RHOH: variants seen among roughly 807,000 people sequenced by gnomAD.
RHOH encodes ras homolog family member H.
A neutral mutation model predicts 13.8 loss-of-function variants in RHOH; 6 were observed. That is an observed-to-expected ratio of 0.44 (90% CI 0.24 to 0.86). The LOEUF (loss-of-function observed/expected upper bound fraction) is 0.86, where lower values mean the gene tolerates loss of function less well. Ranked by LOEUF, RHOH falls within the 40% of genes least tolerant of loss-of-function variation. The probability of loss-of-function intolerance (pLI) is 0.24; values close to 1 mark genes in which losing one functional copy is unlikely to be tolerated. For missense variants in RHOH, 147 were observed against 244.5 expected (o/e 0.60, Z 2.66); for synonymous variants, 117 against 103.0 (o/e 1.14, Z -0.82).
intron 1 of RHOH, among the ~76,000 whole-genome samples, chr4:40,233,709 A>G (rs1392999269): frequency 6.6e-6 from 1 of 152,166 alleles, no homozygotes; most frequent in Non-Finnish European, 1.5e-5. Flanking sequence ...TATTTGTGAA[A>G]CCTGAAACTT....
At chr4:40,237,489 C>T (rs562062476) in intron 1 of RHOH, among the ~76,000 whole-genome samples, 2 of 152,286 alleles carry the variant, frequency 1.3e-5, no homozygotes, top group African/African-American at 4.8e-5. Flanking sequence ...CACTCAGCCC[C>T]ACTTCCCAGC....
intron 1 of RHOH, among the ~76,000 whole-genome samples, chr4:40,217,500 CT>C (rs1332348042): frequency 6.6e-6 from 1 of 152,096 alleles, no homozygotes; most frequent in Admixed American, 6.6e-5. Context: ...TAGTTTCTTA[CT>C]TTTTTCCTCT....
At chr4:40,237,246 C>T (rs1005744287) in intron 1 of RHOH, among the ~76,000 whole-genome samples, 3 of 151,906 alleles carry the variant, frequency 2.0e-5, no homozygotes, top group Admixed American at 6.6e-5. Context: ...TGAGGTCAGG[C>T]GTTCAAGACC....
At chr4:40,201,432 C>G (rs559624677) in intron 1 of RHOH, among the ~76,000 whole-genome samples, 1 of 151,780 alleles carries the variant, frequency 6.6e-6, no homozygotes, top group South Asian at 2.1e-4. Flanking sequence ...GTTCTAGAAC[C>G]GGCTTGCTCT....
upstream of RHOH, chr4:40,193,036 G>GTGGT (rs1254139947): frequency 9.8e-5 from 15 of 152,690 alleles, 1 homozygote; most frequent in Admixed American, 9.2e-4. Context: ...TGGTCAGAAA[G>GTGGT]TGGTTGTTCA....
chr4:40,203,264 G>T (rs553119905), intron 1 of RHOH, among the ~76,000 whole-genome samples: 7 of 152,356 alleles, frequency 4.6e-5, no homozygotes, highest in Non-Finnish European at 5.9e-5. Context: ...GAGCCACCGC[G>T]CCCGGCCAGT....
chr4:40,196,238 A>G (rs964001096), upstream of RHOH, among the ~76,000 whole-genome samples: 2 of 152,220 alleles, frequency 1.3e-5, no homozygotes, highest in African/African-American at 4.8e-5. Flanking sequence ...TGACCAAGCT[A>G]TCACCGTGAG....
intron 1 of RHOH, 91 bp downstream of exon 1, chr4:40,197,391 A>G (rs1723301096): frequency 1.3e-5 from 2 of 152,140 alleles, no homozygotes; most frequent in African/African-American, 4.8e-5. Flanking sequence ...CAAACATCGT[A>G]ATGACTCTGA....
intron 1 of RHOH, among the ~76,000 whole-genome samples, chr4:40,242,255 T>C (rs1295842325): frequency 6.6e-6 from 1 of 152,268 alleles, no homozygotes; most frequent in Non-Finnish European, 1.5e-5. Context: ...TGCAGTCCTC[T>C]GTTTAAGTGA....
intron 1 of RHOH, among the ~76,000 whole-genome samples, chr4:40,229,677 C>T (rs569095681): frequency 2.0e-5 from 3 of 151,338 alleles, no homozygotes; most frequent in African/African-American, 2.4e-5. Context: ...AAAGCCCCCA[C>T]GCTTTAAAAC....
At chr4:40,211,706 A>C (rs979803370) in intron 1 of RHOH, among the ~76,000 whole-genome samples, 1 of 152,242 alleles carries the variant, frequency 6.6e-6, no homozygotes, top group African/African-American at 2.4e-5. Context: ...GTGGAGTCAT[A>C]AATGATTGTG....
At chr4:40,215,748 C>T (rs921669609) in intron 1 of RHOH, among the ~76,000 whole-genome samples, 5 of 151,798 alleles carry the variant, frequency 3.3e-5, no homozygotes, top group Non-Finnish European at 5.9e-5. Flanking sequence ...GGCCAACACC[C>T]ATCTCTACTA....
At chr4:40,228,373 G>T (rs1258772222) in intron 1 of RHOH, among the ~76,000 whole-genome samples, 3 of 152,086 alleles carry the variant, frequency 2.0e-5, no homozygotes, top group Non-Finnish European at 4.4e-5. Context: ...GTTCTATAAT[G>T]TGTATGTACT....
intron 1 of RHOH, among the ~76,000 whole-genome samples, chr4:40,231,383 C>T (rs1727924011): frequency 1.5e-5 from 2 of 129,142 alleles, no homozygotes; most frequent in African/African-American, 5.9e-5. Flanking sequence ...CTAAAGATTT[C>T]ATGTCAAAGC....
rs755978873 is a variant in RHOH at position 40,243,750 on chromosome 4, G to A, written c.364G>A (p.Glu122Lys). 6.2e-7 allele frequency: 1 copy of A among 1,614,062 alleles called. No homozygotes were observed. The highest frequency in any genetic ancestry group is 1.7e-5 in the Admixed American group (1 of 60,012). The change falls in exon 3 of 3, where the codon GAG (glutamate) becomes AAG (lysine). Residue 122 changes from glutamate (E) to lysine (K), a missense_variant. Glu to Lys is a moderately conservative substitution (Grantham distance 56). This residue lies in a region of RHOH where 36 missense variants were observed against 30.7 expected (regional missense o/e 1.17). Transcript: ENST00000381799. The surrounding 1 kb of genome is among the most constrained non-coding windows in gnomAD (Gnocchi z 6.2). Reference sequence around the variant, plus strand: ...GGTGGCCACCCAGACTGACCAGCGGGAGATGGGGCCCCACAGGGCCTCCTG... The same window carrying A: ...GGTGGCCACCCAGACTGACCAGCGGAAGATGGGGCCCCACAGGGCCTCCTG... ...LVVATQTDQR[E>K]MGPHRASCVN...
intron 1 of RHOH, among the ~76,000 whole-genome samples, chr4:40,220,629 C>T (rs908550765): frequency 1.3e-5 from 2 of 152,036 alleles, no homozygotes; most frequent in African/African-American, 4.8e-5. Flanking sequence ...TTTTTTTAAC[C>T]TCTGGGCCTA....
chr4:40,239,238 C>T (rs898624197), intron 1 of RHOH, among the ~76,000 whole-genome samples: 1 of 152,186 alleles, frequency 6.6e-6, no homozygotes, highest in African/African-American at 2.4e-5. Context: ...GAAACTGAGG[C>T]CCTGAAAGCT....
intron 1 of RHOH, among the ~76,000 whole-genome samples, chr4:40,239,827 G>A (rs1159538520): frequency 1.3e-5 from 2 of 151,734 alleles, no homozygotes; most frequent in Non-Finnish European, 2.9e-5. Flanking sequence ...GCAGTGAGCT[G>A]AGATCACACC....
At chr4:40,194,359 G>A (rs2109329607), upstream of RHOH, among the ~76,000 whole-genome samples, 1 of 152,150 alleles carries the variant, frequency 6.6e-6, no homozygotes, top group Middle Eastern at 3.4e-3. Flanking sequence ...CTCTCGAGTA[G>A]CTGGGATTAC....
Sources: gnomAD v4.1 joint callset for allele counts (sites outside exome capture counted in the v4.1 genomes callset) on GRCh38, gnomAD v4.1.1 for gene constraint, gnomAD v4.1.1 regional missense constraint, Gnocchi (gnomAD v3.1) non-coding constraint, MANE v1.5 for transcripts, NCBI Gene and HGNC (gene_info 2026-07-23, HGNC 2026-07-21) for gene names.